The following AK9 variants were observed in gnomAD, a reference collection of about 807,000 sequenced individuals.
AK9 encodes the protein adenylate kinase 9, also known as adenylate kinase domain containing 1.
AK9 carries 191 observed loss-of-function variants against 239.6 expected under a neutral mutation model. The observed-to-expected ratio is 0.80, with a 90% CI of 0.71 to 0.90. AK9 has a LOEUF of 0.90. AK9 is among the 40% of genes least tolerant of loss of function. The pLI is 0.00. For missense variants in AK9, 1,995 were observed against 2,214.7 expected (o/e 0.90, Z 1.99); for synonymous variants, 689 against 721.0 (o/e 0.96, Z 0.71).
chr6:109,602,987 A>T (rs963505187), intron 17 of AK9, among the ~76,000 whole-genome samples: 3 of 152,060 alleles, frequency 2.0e-5, no homozygotes, highest in Non-Finnish European at 4.4e-5. Flanking sequence ...TCTTTTTTCA[A>T]GGTTTTTAGC....
chr6:109,650,089 A>T (rs1798697709), intron 8 of AK9, among the ~76,000 whole-genome samples: 1 of 152,364 alleles, frequency 6.6e-6, no homozygotes, highest in East Asian at 1.9e-4. Flanking sequence ...TTAATTCAAG[A>T]TGCATTAAAG....
intron 24 of AK9, 58 bp from the exon 25 acceptor site, chr6:109,550,360 A>T (rs1784217149): frequency 6.8e-7 from 1 of 1,473,672 alleles, no homozygotes; most frequent in Non-Finnish European, 9.2e-7. Context: ...TTTGATGCAG[A>T]TAATTTTTTA....
chr6:109,550,181 C>G lies in AK9; in HGVS notation c.2873G>C (p.Arg958Pro). 6.2e-7 allele frequency: 1 copy of G among 1,613,832 alleles called. No homozygotes were observed. The highest frequency in any genetic ancestry group is 1.7e-5 in the Admixed American group (1 of 60,002). The change falls in exon 25 of 41, where the codon CGA becomes CCA. Residue 958 changes from arginine (R) to proline (P), a missense_variant. By Grantham distance (103) the Arg-to-Pro change is moderately radical. Coordinates refer to ENST00000424296, the MANE Select transcript of AK9 (RefSeq NM_001145128.3). ...ACTTGAAAAGTAGTAGATCTTTTCTCGATACTTGGCTGCTTCTTCTGTGTT... is the reference window on the plus strand; with the variant it reads ...ACTTGAAAAGTAGTAGATCTTTTCTGGATACTTGGCTGCTTCTTCTGTGTT... ...PGNTEEAAKY[R>P]EKIYYFSSAE... is the part of the protein sequence containing the mutation.
At chr6:109,531,826 C>G (rs1781311475) in intron 28 of AK9, among the ~76,000 whole-genome samples, 1 of 152,140 alleles carries the variant, frequency 6.6e-6, no homozygotes, top group Admixed American at 6.5e-5. Context: ...CAGTGTGGAG[C>G]CACGTATCTT....
rs1283593618 is a variant in AK9 at position 109,590,505 on chromosome 6, A to G, written c.1843-4433T>C. ...AATTTTGCTTATTTTTTCAAAGAAC[A>G]ACTTTTAATTAATTCTTTGTAATGT... On this transcript the variant is annotated intron_variant, in intron 17 of 40. Transcript: ENST00000424296. Among the ~76,000 whole-genome samples, 7 of 152,274 alleles carry G rather than the reference A, an allele frequency of 4.6e-5. No homozygotes were observed. In the East Asian group the frequency reaches 1.3e-3, roughly 29 times the overall value.
rs111560106 is a variant in AK9, at chr6:109,638,145, C to A, written c.933+3373G>T. On this transcript the variant is annotated intron_variant, in intron 10 of 40. Coordinates refer to ENST00000424296, the MANE Select transcript of AK9 (RefSeq NM_001145128.3). ...ACAGCTTATGAACTACAACCTTACA[C>A]CTATGCCCCATGCATGCAATGCTTT... Among the ~76,000 whole-genome samples the A allele has an allele frequency of 8.2e-3, 1,243 of 152,348 alleles. 26 individuals are homozygous for A. Among genetic ancestry groups the A allele is most frequent in the African/African-American group, 0.027 (1,103 of 41,582 alleles).
chr6:109,548,425 A>C (rs992285689), intron 25 of AK9, among the ~76,000 whole-genome samples: 2 of 152,204 alleles, frequency 1.3e-5, no homozygotes, highest in African/African-American at 4.8e-5. Flanking sequence ...AAGAATGGTG[A>C]AATCATTGAT....
intron 5 of AK9, among the ~76,000 whole-genome samples, chr6:109,665,832 T>G (rs1476610893): frequency 1.3e-5 from 2 of 152,170 alleles, no homozygotes; most frequent in East Asian, 3.9e-4. Context: ...CTTCCCAACA[T>G]CTGTGTATCG....
intron 12 of AK9, among the ~76,000 whole-genome samples, chr6:109,619,938 A>G (rs1794621168): frequency 6.6e-6 from 1 of 152,134 alleles, no homozygotes; most frequent in Admixed American, 6.6e-5. Flanking sequence ...GATCTTTTTC[A>G]GGTTTTCCCT....
chr6:109,620,596 C>T (rs1794692236), intron 12 of AK9, among the ~76,000 whole-genome samples: 1 of 151,732 alleles, frequency 6.6e-6, no homozygotes, highest in Admixed American at 6.6e-5. Context: ...TTTACAGATC[C>T]CTATATTCCC....
At chr6:109,523,604 A>G (rs1383640080) in intron 29 of AK9, among the ~76,000 whole-genome samples, 1 of 152,180 alleles carries the variant, frequency 6.6e-6, no homozygotes, top group Admixed American at 6.6e-5. Flanking sequence ...GCAGTTTCAG[A>G]GTAGTGGTGG....
chr6:109,677,396 A>G (rs1771915153), intron 1 of AK9, among the ~76,000 whole-genome samples: 1 of 152,208 alleles, frequency 6.6e-6, no homozygotes, highest in Admixed American at 6.5e-5. Flanking sequence ...GTGATATATC[A>G]TGTGCACTAA....
intron 1 of AK9, 34 bp from the exon 2 acceptor site, chr6:109,675,790 C>G: frequency 7.4e-7 from 1 of 1,347,348 alleles, no homozygotes; most frequent in Admixed American, 2.3e-5. Context: ...GTTAACTTGT[C>G]TAATTTGGTT....
intron 9 of AK9, among the ~76,000 whole-genome samples, chr6:109,641,885 C>T (rs939073486): frequency 2.0e-5 from 3 of 152,136 alleles, no homozygotes; most frequent in Non-Finnish European, 4.4e-5. Context: ...ACCTTATTTC[C>T]AAATAAGGTC....
chr6:109,650,934 A>G (rs2128302947), intron 8 of AK9, among the ~76,000 whole-genome samples: 1 of 152,292 alleles, frequency 6.6e-6, no homozygotes, highest in South Asian at 2.1e-4. Flanking sequence ...CTTTGTAGGG[A>G]CATGGATGAA....
intron 27 of AK9, among the ~76,000 whole-genome samples, chr6:109,536,439 C>G (rs1309710856): frequency 3.3e-5 from 5 of 152,140 alleles, no homozygotes; most frequent in African/African-American, 1.2e-4. Context: ...CCTGTGATTT[C>G]TGCACATTGA....
intron 8 of AK9, among the ~76,000 whole-genome samples, chr6:109,649,529 G>T (rs1264539049): frequency 1.3e-5 from 2 of 152,088 alleles, no homozygotes; most frequent in East Asian, 1.9e-4. Context: ...ACTTACAAGG[G>T]ATGTGAAGGA....
At position 109,625,229 on chromosome 6, in the gene AK9, G is replaced by A. The variant is rs1033291103; in HGVS notation, c.1255-5993C>T. ...AGAAGGCCAGAAGTGTCTTTTATCC[G>A]AAAATGTCTTTGTGTTAACTCATTT... On this transcript the variant is annotated intron_variant, in intron 12 of 40. Transcript: ENST00000424296. Among the ~76,000 whole-genome samples, 4 of 152,112 alleles carry A rather than the reference G, an allele frequency of 2.6e-5. No homozygotes were observed. The South Asian group carries it at 6.2e-4, about 24-fold the overall frequency.
At chr6:109,649,765 T>C (rs1242639772) in intron 8 of AK9, among the ~76,000 whole-genome samples, 1 of 152,118 alleles carries the variant, frequency 6.6e-6, no homozygotes, top group African/African-American at 2.4e-5. Context: ...AAAAAAGAGC[T>C]GGCATCGCCA....
Sources: gnomAD v4.1 joint callset for allele counts (sites outside exome capture counted in the v4.1 genomes callset) on GRCh38, gnomAD v4.1.1 for gene constraint, MANE v1.5 for transcripts, NCBI Gene and HGNC (gene_info 2026-07-23, HGNC 2026-07-21) for gene names.